Variants in DIP2A observed in about 807,000 individuals in gnomAD.
DIP2A encodes the protein DIP2 acetate--CoA ligase A, also known as disco-interacting protein 2 homolog A.
Under a neutral mutation model 177.4 loss-of-function variants are expected in DIP2A, and 85 were observed. The ratio of observed to expected loss-of-function variants is 0.48; its 90% CI spans 0.40 to 0.57. The LOEUF (loss-of-function observed/expected upper bound fraction) is 0.57. DIP2A is among the 20% of genes least tolerant of loss of function. The pLI is 0.00. For missense variants in DIP2A, 1,791 were observed against 2,100.2 expected (o/e 0.85, Z 2.88); for synonymous variants, 886 against 881.8 (o/e 1.00, Z -0.08).
At chr21:46,558,611 A>G (rs1303025673) in intron 32 of DIP2A, 3 of 587,458 alleles carry the variant, frequency 5.1e-6, no homozygotes, top group Non-Finnish European at 3.0e-6. Flanking sequence ...AAAAAAACAC[A>G]TTGTTTTTGA....
chr21:46,509,628 C>CT (rs749677385), intron 7 of DIP2A, among the ~76,000 whole-genome samples: 5 of 152,144 alleles, frequency 3.3e-5, no homozygotes, highest in Non-Finnish European at 5.9e-5. Context: ...TTTTATTTAA[C>CT]TTACATTATT....
intron 1 of DIP2A, among the ~76,000 whole-genome samples, chr21:46,479,114 C>T (rs1185425118): frequency 6.6e-6 from 1 of 152,200 alleles, no homozygotes; most frequent in Admixed American, 6.5e-5. Flanking sequence ...TCCCAACAAA[C>T]AACCTGGGAT....
At chr21:46,489,970 T>C (rs1019088065) in intron 2 of DIP2A, among the ~76,000 whole-genome samples, 2 of 151,986 alleles carry the variant, frequency 1.3e-5, no homozygotes, top group Admixed American at 1.3e-4. Context: ...AGCGTGACCT[T>C]GATCTGCCCT....
intron 8 of DIP2A, among the ~76,000 whole-genome samples, chr21:46,525,071 G>A (rs1189217620): frequency 6.6e-6 from 1 of 151,528 alleles, no homozygotes; most frequent in Admixed American, 6.6e-5. Flanking sequence ...ATTTTTAGTA[G>A]AGTCAGGGTT....
chr21:46,525,106 C>T (rs866814898), intron 8 of DIP2A, among the ~76,000 whole-genome samples: 9 of 151,760 alleles, frequency 5.9e-5, no homozygotes, highest in Admixed American at 1.3e-4. Context: ...AGGCTGGTCT[C>T]GAACTCCTGA....
chr21:46,533,447 T>C, intron 10 of DIP2A, 77 bp from the exon 11 acceptor site: 1 of 1,532,750 alleles, frequency 6.5e-7, no homozygotes. Context: ...TCTCTGTGCA[T>C]GGCCTGGAGC....
chr21:46,482,697 C>A (rs1407462896), intron 1 of DIP2A, among the ~76,000 whole-genome samples: 1 of 152,072 alleles, frequency 6.6e-6, no homozygotes, highest in Admixed American at 6.5e-5. Flanking sequence ...TTCCTGTGAC[C>A]TGTAGGGGTA....
Position 46,554,806 on chromosome 21 carries a change from G to A in DIP2A, c.3277-16G>A, listed in dbSNP as rs1356199137. ...GAGAGGCCCCGCCCACCCACCCTTG[G>A]CCCCTCGCCATGCAGGTCAGCAAGT... On this transcript the variant is annotated splice_polypyrimidine_tract_variant and intron_variant, in intron 27 of 37. Coordinates refer to ENST00000417564, the MANE Select transcript of DIP2A (RefSeq NM_015151.4). 2.2e-5 allele frequency: 15 copies of A among 689,088 alleles called. No homozygotes were observed. The highest frequency in any genetic ancestry group is 9.4e-5 in the Admixed American group (3 of 31,850). The allele number at this position is 689,088 out of a possible 1,614,324, so 42.7% of individuals were successfully genotyped here. A position where few individuals can be genotyped will look rare whatever the true frequency, so the allele number is the denominator to read the frequency against.
intron 1 of DIP2A, among the ~76,000 whole-genome samples, chr21:46,484,092 C>T (rs2056533146): frequency 6.6e-6 from 1 of 152,184 alleles, no homozygotes; most frequent in African/African-American, 2.4e-5. Flanking sequence ...ACCCCTTGGC[C>T]TGGGACGGCT....
intron 2 of DIP2A, among the ~76,000 whole-genome samples, chr21:46,487,770 A>G (rs1033436226): frequency 7.2e-5 from 11 of 152,248 alleles, no homozygotes; most frequent in African/African-American, 2.7e-4. Context: ...GACAGAACCT[A>G]CGTTAGGATC....
downstream of DIP2A, among the ~76,000 whole-genome samples, chr21:46,571,291 T>A (rs2060961902): frequency 6.6e-6 from 1 of 152,192 alleles, no homozygotes; most frequent in South Asian, 2.1e-4. Context: ...ATAATTGTCT[T>A]CCACAAAACC....
At chr21:46,518,499 G>C (rs2058681719) in intron 8 of DIP2A, among the ~76,000 whole-genome samples, 1 of 152,210 alleles carries the variant, frequency 6.6e-6, no homozygotes, top group South Asian at 2.1e-4. Flanking sequence ...AATAGATTGA[G>C]ATCTTTCCTG....
chr21:46,529,267 AT>A, intron 9 of DIP2A, 84 bp downstream of exon 9: 1 of 892,306 alleles, frequency 1.1e-6, no homozygotes, highest in Non-Finnish European at 1.7e-6. Flanking sequence ...GTGTTCTATC[AT>A]TTAGTTAGAA....
intron 8 of DIP2A, among the ~76,000 whole-genome samples, chr21:46,528,586 C>A: frequency 9.3e-6 from 1 of 107,802 alleles, no homozygotes; most frequent in South Asian, 3.3e-4. Flanking sequence ...GTCTTTATTG[C>A]CCAGGCTGGC....
chr21:46,546,352 C>T, intron 20 of DIP2A: 1 of 1,027,408 alleles, frequency 9.7e-7, no homozygotes, highest in East Asian at 8.4e-5. Flanking sequence ...TTGCCCCTTC[C>T]CTCCCAGGGG....
At chr21:46,471,934 G>A (rs2055419797) in intron 1 of DIP2A, among the ~76,000 whole-genome samples, 1 of 152,166 alleles carries the variant, frequency 6.6e-6, no homozygotes, top group Non-Finnish European at 1.5e-5. Context: ...AGCAGACAAA[G>A]AGCTTTTACA....
chr21:46,463,438 A>G (rs1303568796), intron 1 of DIP2A, among the ~76,000 whole-genome samples: 1 of 152,180 alleles, frequency 6.6e-6, no homozygotes, highest in Non-Finnish European at 1.5e-5. Context: ...TTAGAGAGGA[A>G]ATTCCTACAC....
Position 46,498,172 on chromosome 21 carries a change from G to A in DIP2A, c.404-410G>A, listed in dbSNP as rs550228535. ...CTCACTGCCTCCAAGATGTAGGGCC[G>A]GGCACAGGCTCTCCCCTGGGTGATG... On this transcript the variant is annotated intron_variant, in intron 4 of 37. Coordinates refer to ENST00000417564, the MANE Select transcript of DIP2A (RefSeq NM_015151.4). The surrounding 1 kb of genome is among the most constrained non-coding windows in gnomAD (Gnocchi z 4.3). Among the ~76,000 whole-genome samples, 7 of 152,266 alleles carry A rather than the reference G, an allele frequency of 4.6e-5. No individual in the cohort carries two copies. In the East Asian group the frequency reaches 7.7e-4, roughly 17 times the overall value.
intron 8 of DIP2A, among the ~76,000 whole-genome samples, chr21:46,512,847 TG>T (rs138264483): frequency 0.011 from 1,612 of 151,396 alleles, 20 homozygotes; most frequent in Non-Finnish European, 0.016. Context: ...TTTGTAGAAA[TG>T]GGGGGTCTCC....
Sources: allele counts gnomAD v4.1 joint callset (sites outside exome capture counted in the v4.1 genomes callset), GRCh38; gene constraint gnomAD v4.1.1; non-coding constraint Gnocchi (gnomAD v3.1); transcripts MANE v1.5; gene names NCBI Gene and HGNC (gene_info 2026-07-23, HGNC 2026-07-21).